The following LAMC1 variants were observed in gnomAD, a reference collection of about 807,000 sequenced individuals.
LAMC1 encodes the protein laminin subunit gamma 1, also known as laminin subunit gamma-1.
Under a neutral mutation model 173.6 loss-of-function variants are expected in LAMC1, and 38 were observed. That is an observed-to-expected ratio of 0.22 (90% CI 0.17 to 0.29). The LOEUF (loss-of-function observed/expected upper bound fraction) is 0.29. Among genes scored for constraint, LAMC1 ranks in the 10% least tolerant of loss-of-function variants. The pLI is 1.00. For synonymous variants in LAMC1, 746 were observed against 749.1 expected (o/e 1.00, Z 0.07); for missense variants, 1,824 against 2,051.8 (o/e 0.89, Z 2.14).
chr1:183,049,382 C>A (rs1193819588), intron 1 of LAMC1, among the ~76,000 whole-genome samples: 1 of 151,864 alleles, frequency 6.6e-6, no homozygotes, highest in Non-Finnish European at 1.5e-5. Flanking sequence ...TTAAGTTTAT[C>A]TACAGAGGTT....
intron 1 of LAMC1, among the ~76,000 whole-genome samples, chr1:183,050,436 CAT>C: frequency 6.6e-6 from 1 of 150,722 alleles, no homozygotes; most frequent in East Asian, 2.0e-4. Flanking sequence ...CACCCGCTAC[CAT>C]GCCTGGCTAA....
In LAMC1 at chr1:183,144,727, C is replaced by T. The variant is rs3738829; in HGVS notation, c.*1937C>T. On this transcript the variant is annotated 3_prime_UTR_variant, in exon 28 of 28. Coordinates refer to ENST00000258341, the MANE Select transcript of LAMC1 (RefSeq NM_002293.4). ...CAGGAATGAGGGAGAAATGCCCTTT[C>T]TGGCAATTGTTGGAGCTGGATAGGT... 80,762 of 151,948 alleles carry T rather than the reference C, an allele frequency of 0.53. 21,964 individuals are homozygous for T. The highest frequency in any genetic ancestry group is 0.65 in the South Asian group (3,117 of 4,824). 9.4% of individuals were successfully genotyped at this position (151,948 alleles called of 1,614,324 possible).
intron 1 of LAMC1, among the ~76,000 whole-genome samples, chr1:183,069,595 T>C (rs894177503): frequency 6.6e-6 from 1 of 152,254 alleles, no homozygotes; most frequent in Non-Finnish European, 1.5e-5. Context: ...GTCCAGTGTG[T>C]CAGGGAATGC....
chr1:183,120,138 C>T (rs1571453724), intron 11 of LAMC1, among the ~76,000 whole-genome samples: 1 of 132,972 alleles, frequency 7.5e-6, no homozygotes. Context: ...CGTTGCACAC[C>T]AGCCTGAGTT....
intron 24 of LAMC1, among the ~76,000 whole-genome samples, chr1:183,135,890 CAAAAA>C (rs34380430): frequency 1.9e-5 from 2 of 104,088 alleles, no homozygotes; most frequent in Non-Finnish European, 1.9e-5. Flanking sequence ...CCTTGTCTCT[CAAAAA>C]AAAAAAAAAA....
At chr1:183,115,294 C>A (rs1268424506) in intron 5 of LAMC1, among the ~76,000 whole-genome samples, 1 of 152,080 alleles carries the variant, frequency 6.6e-6, no homozygotes, top group Non-Finnish European at 1.5e-5. Flanking sequence ...TGAGTAAATT[C>A]ATCTTAGCAT....
At position 183,088,412 on chromosome 1, in the gene LAMC1, T is replaced by C. The variant is rs200880818; in HGVS notation, c.419-14916T>C. Among the ~76,000 whole-genome samples, 5 of 152,364 alleles carry C rather than the reference T, an allele frequency of 3.3e-5. No homozygotes were observed. The East Asian group carries it at 9.6e-4, about 29-fold the overall frequency. ...GTCATAAAATCAATTTAGTGAGCTATAACCGGCATATTCAATCAAATGGAA... is the reference window on the plus strand; with the variant it reads ...GTCATAAAATCAATTTAGTGAGCTACAACCGGCATATTCAATCAAATGGAA... On this transcript the variant is annotated intron_variant, in intron 1 of 27. Coordinates refer to ENST00000258341, the MANE Select transcript of LAMC1 (RefSeq NM_002293.4).
chr1:183,088,591 A>G (rs1359893539), intron 1 of LAMC1, among the ~76,000 whole-genome samples: 1 of 152,264 alleles, frequency 6.6e-6, no homozygotes, highest in Non-Finnish European at 1.5e-5. Context: ...ACTATTATAG[A>G]GCATACCCAA....
At position 183,061,997 on chromosome 1, in the gene LAMC1, C is replaced by T. The variant is rs114706839; in HGVS notation, c.418+37863C>T. Among the ~76,000 whole-genome samples the T allele has an allele frequency of 3.1e-3, 468 of 152,328 alleles. 3 individuals carry two copies. The highest frequency in any genetic ancestry group is 0.011 in the African/African-American group (444 of 41,572). ...GACTATAGTGCCAGTTGACTCTGCA[C>T]GTTTGCATACAGCAGTTCTCAGATC... is the stretch of plus-strand genomic sequence containing the variant. On this transcript the variant is annotated intron_variant, in intron 1 of 27. Transcript: ENST00000258341.
At chr1:183,056,276 G>A (rs1654593959) in intron 1 of LAMC1, among the ~76,000 whole-genome samples, 1 of 152,202 alleles carries the variant, frequency 6.6e-6, no homozygotes, top group South Asian at 2.1e-4. Flanking sequence ...GGATTGTAAG[G>A]TTTAAATAGA....
chr1:183,126,348 G>A, intron 16 of LAMC1, 86 bp downstream of exon 16: 1 of 1,400,354 alleles, frequency 7.1e-7, no homozygotes, highest in Non-Finnish European at 9.9e-7. Context: ...GACAGCCTCA[G>A]TCTAGCCACT....
At chr1:183,026,281 T>C (rs1159599965) in intron 1 of LAMC1, among the ~76,000 whole-genome samples, 2 of 152,198 alleles carry the variant, frequency 1.3e-5, no homozygotes, top group Non-Finnish European at 2.9e-5. Flanking sequence ...TTAAACTAAC[T>C]TGACTAGGAT....
chr1:183,075,830 A>C (rs540841274), intron 1 of LAMC1, among the ~76,000 whole-genome samples: 1 of 152,342 alleles, frequency 6.6e-6, no homozygotes, highest in Non-Finnish European at 1.5e-5. Context: ...CATTTGATGG[A>C]GCAAAACTCT....
intron 1 of LAMC1, among the ~76,000 whole-genome samples, chr1:183,036,652 A>G (rs779166192): frequency 3.9e-5 from 6 of 152,092 alleles, no homozygotes; most frequent in African/African-American, 7.2e-5. Context: ...CGGCTTCCCA[A>G]AGTGCTGAGA....
intron 2 of LAMC1, among the ~76,000 whole-genome samples, chr1:183,106,484 T>A (rs1655981452): frequency 6.6e-6 from 1 of 152,132 alleles, no homozygotes; most frequent in Admixed American, 6.5e-5. Context: ...ATGCCAGGTA[T>A]TTGGTGTGGC....
chr1:183,045,288 A>C (rs936209739), intron 1 of LAMC1, among the ~76,000 whole-genome samples: 1 of 152,064 alleles, frequency 6.6e-6, no homozygotes, highest in African/African-American at 2.4e-5. Flanking sequence ...AAAAGTTTCC[A>C]TATGAAGTAG....
At chr1:183,025,444 C>G (rs879653136) in intron 1 of LAMC1, among the ~76,000 whole-genome samples, 2 of 152,106 alleles carry the variant, frequency 1.3e-5, no homozygotes, top group Non-Finnish European at 2.9e-5. Flanking sequence ...ACAAATGAAA[C>G]ATTTTGAAAA....
rs143759251 is a variant in LAMC1, at chr1:183,126,218, G to A, written c.2900G>A (p.Arg967His). Residue 967 changes from arginine (R) to histidine (H), a missense_variant, in exon 16 of 28, where the codon CGC becomes CAC. Coordinates refer to ENST00000258341, the MANE Select transcript of LAMC1 (RefSeq NM_002293.4). Reference protein sequence around the residue: ...QPGITGQHCERCEVNHFGFGP... With the variant: ...QPGITGQHCEHCEVNHFGFGP... The stretch of plus-strand genomic sequence containing the variant: ...GGCATCACTGGTCAGCACTGTGAGC[G>A]CTGTGAGGTCAACCACTTTGGGTTT... The A allele has an allele frequency of 1.2e-5, 20 of 1,614,048 alleles. No homozygotes were observed. Among genetic ancestry groups the A allele is most frequent in the South Asian group, 6.6e-5 (6 of 91,088 alleles).
intron 10 of LAMC1, 32 bp from the exon 11 acceptor site, chr1:183,118,002 A>C: frequency 7.8e-7 from 1 of 1,280,804 alleles, no homozygotes; most frequent in Non-Finnish European, 1.1e-6. Context: ...TTGTCCTTAC[A>C]GAGGTTAATG....
Sources: allele counts gnomAD v4.1 joint callset (sites outside exome capture counted in the v4.1 genomes callset), GRCh38; gene constraint gnomAD v4.1.1; transcripts MANE v1.5; gene names NCBI Gene and HGNC (gene_info 2026-07-23, HGNC 2026-07-21).